Variants in AJAP1 observed in about 807,000 individuals in gnomAD.
AJAP1 encodes the protein adherens junction-associated protein 1.
AJAP1 carries 5 observed loss-of-function variants against 35.0 expected under a neutral mutation model. The ratio of observed to expected loss-of-function variants is 0.14; its 90% CI spans 0.07 to 0.30. The LOEUF (loss-of-function observed/expected upper bound fraction) is 0.30, where lower values mean the gene tolerates loss of function less well. AJAP1 is among the 10% of genes least tolerant of loss of function. The pLI is 1.00. For synonymous variants in AJAP1, 284 were observed against 249.3 expected, an observed-to-expected ratio of 1.14 and a Z score of -1.31; for missense variants, 586 against 571.0, an observed-to-expected ratio of 1.03 and a Z score of -0.27.
At chr1:4,762,777 A>G (rs1641599262) in intron 2 of AJAP1, among the ~76,000 whole-genome samples, 1 of 152,150 alleles carries the variant, frequency 6.6e-6, no homozygotes, top group African/African-American at 2.4e-5. Context: ...ACCTTGGGAA[A>G]ATCCCTTAAC....
chr1:4,769,025 A>G (rs997855431), intron 2 of AJAP1, among the ~76,000 whole-genome samples: 4 of 152,160 alleles, frequency 2.6e-5, no homozygotes, highest in African/African-American at 4.8e-5. Flanking sequence ...GCCATCGTGC[A>G]TGTGGGTGTC....
chr1:4,751,259 C>T (rs1277666112), intron 2 of AJAP1, among the ~76,000 whole-genome samples: 1 of 152,166 alleles, frequency 6.6e-6, no homozygotes, highest in Non-Finnish European at 1.5e-5. Context: ...TCGCTGGACA[C>T]CTTCGTCCAG....
At chr1:4,746,580 G>A (rs183020041) in intron 2 of AJAP1, among the ~76,000 whole-genome samples, 158 of 152,324 alleles carry the variant, frequency 1.0e-3, no homozygotes, top group African/African-American at 3.6e-3. Flanking sequence ...GACCACAACT[G>A]TCCAACAATT....
At chr1:4,712,891 G>A (rs1049293580) in intron 2 of AJAP1, among the ~76,000 whole-genome samples, 192 bp downstream of exon 2, 1 of 152,196 alleles carries the variant, frequency 6.6e-6, no homozygotes, top group Non-Finnish European at 1.5e-5. Flanking sequence ...GGAAGGGGGC[G>A]TGAGAAGGGA....
In AJAP1 at chr1:4,719,426, A is replaced by G. The variant is rs369154557; in HGVS notation, c.829+6727A>G. On this transcript the variant is annotated intron_variant, in intron 2 of 5. Transcript: ENST00000378191. ...ATGGTAGAGGAAATGTCACCAAGCC[A>G]CAGCTTCATCAATCGCCCAATTGTT... is the stretch of plus-strand genomic sequence containing the variant. 1.1e-4 allele frequency among the ~76,000 whole-genome samples: 17 copies of G among 152,360 alleles called. No homozygotes were observed. The East Asian group carries it at 1.3e-3, about 12-fold the overall frequency.
chr1:4,787,587 G>T lies in AJAP1; in HGVS notation c.*5102G>T, dbSNP rs74799152. 2,764 of 427,930 alleles carry T rather than the reference G, an allele frequency of 6.5e-3. 14 individuals are homozygous for T. The highest frequency in any genetic ancestry group is 8.5e-3 in the Non-Finnish European group (1,814 of 214,002). The allele number at this position is 427,930 out of a possible 1,614,324, so 26.5% of individuals were successfully genotyped here. A position where few individuals can be genotyped will look rare whatever the true frequency, so the allele number is the denominator to read the frequency against. Reference sequence around the variant, plus strand: ...CCAAATTCCTCTGTCATTCCAGCAAGAGTGGAAGCAGAGGGGCAGGGGCAG... The same window carrying T: ...CCAAATTCCTCTGTCATTCCAGCAATAGTGGAAGCAGAGGGGCAGGGGCAG... On this transcript the variant is annotated 3_prime_UTR_variant, in exon 6 of 6. Coordinates refer to ENST00000378191, the MANE Select transcript of AJAP1 (RefSeq NM_018836.4).
At position 4,693,278 on chromosome 1, in the gene AJAP1, G is replaced by A. The variant is rs924511210; in HGVS notation, c.30-18622G>A. Among the ~76,000 whole-genome samples the A allele has an allele frequency of 2.6e-5, 4 of 151,578 alleles. No individual in the cohort carries two copies. Among genetic ancestry groups the A allele is most frequent in the East Asian group, 1.9e-4 (1 of 5,142 alleles). ...ACTCAACTGAGGGGAGAAGCAGCCC[G>A]TGGTCAGGGGACGTCAGGGGCATGT... On this transcript the variant is annotated intron_variant, in intron 1 of 5. Transcript: ENST00000378191. The surrounding 1 kb of genome is among the most constrained non-coding windows in gnomAD (Gnocchi z 4.4).
chr1:4,700,616 C>T (rs890708121), intron 1 of AJAP1, among the ~76,000 whole-genome samples: 1 of 152,208 alleles, frequency 6.6e-6, no homozygotes, highest in Non-Finnish European at 1.5e-5. Context: ...TGTCCCTTTG[C>T]TCAGGGGGAG....
At chr1:4,660,104 C>G (rs956037887) in intron 1 of AJAP1, among the ~76,000 whole-genome samples, 1 of 152,270 alleles carries the variant, frequency 6.6e-6, no homozygotes, top group Non-Finnish European at 1.5e-5. Context: ...GTAACACCAC[C>G]ACACCACCAG....
chr1:4,746,183 G>A (rs987902172), intron 2 of AJAP1, among the ~76,000 whole-genome samples: 1 of 152,080 alleles, frequency 6.6e-6, no homozygotes, highest in African/African-American at 2.4e-5. Context: ...GGCATTCCTC[G>A]GACGGTGGCT....
chr1:4,711,748 G>C lies in AJAP1; in HGVS notation c.30-152G>C. ...GAGCCTTTGAAGGAAAGGAAGGAAGGGTTTCGGATTCCCTTTTGAAGTTAG... is the reference window on the plus strand; with the variant it reads ...GAGCCTTTGAAGGAAAGGAAGGAAGCGTTTCGGATTCCCTTTTGAAGTTAG... On this transcript the variant is annotated intron_variant, in intron 1 of 5. Transcript: ENST00000378191. The C allele has an allele frequency of 8.5e-6, 5 of 588,752 alleles. No individual in the cohort carries two copies. In the South Asian group the frequency reaches 1.1e-4, roughly 12 times the overall value. 36.5% of individuals were successfully genotyped at this position (588,752 alleles called of 1,614,324 possible).
chr1:4,742,240 C>G (rs1202762301), intron 2 of AJAP1, among the ~76,000 whole-genome samples: 1 of 152,194 alleles, frequency 6.6e-6, no homozygotes, highest in African/African-American at 2.4e-5. Context: ...AAGTCACCCC[C>G]TCTCCAGTAA....
chr1:4,791,193 G>A lies in AJAP1; in HGVS notation c.*8708G>A, dbSNP rs893915682. The A allele has an allele frequency of 1.1e-4, 17 of 152,158 alleles. No individual in the cohort carries two copies. The highest frequency in any genetic ancestry group is 3.1e-4 in the African/African-American group (13 of 41,438). 9.4% of individuals were successfully genotyped at this position (152,158 alleles called of 1,614,324 possible). ...AGAGGTGAGTGGGACTAAAAGCCAG[G>A]ATCAAGATCAGGTTGCTCCACACAT... On this transcript the variant is annotated 3_prime_UTR_variant, in exon 6 of 6. Coordinates refer to ENST00000378191, the MANE Select transcript of AJAP1 (RefSeq NM_018836.4).
intron 2 of AJAP1, among the ~76,000 whole-genome samples, chr1:4,726,641 A>C (rs1640666521): frequency 6.6e-6 from 1 of 151,970 alleles, no homozygotes; most frequent in African/African-American, 2.4e-5. Flanking sequence ...CACCTGGGGA[A>C]TTGGTTTTAA....
Position 4,723,926 on chromosome 1 carries a change from C to A in AJAP1, c.829+11227C>A. On this transcript the variant is annotated intron_variant, in intron 2 of 5. Transcript: ENST00000378191. The surrounding 1 kb of genome is among the most constrained non-coding windows in gnomAD (Gnocchi z 4.3). ...AAGCCAAGTCCTTAAGGGATGAGAA[C>A]CAGCCTGATGTGTGCTGTTGGCTGA... Among the ~76,000 whole-genome samples, 1 of 152,236 alleles carries A rather than the reference C, an allele frequency of 6.6e-6. No individual in the cohort carries two copies. Among genetic ancestry groups the A allele is most frequent in the Non-Finnish European group, 1.5e-5 (1 of 68,030 alleles).
chr1:4,731,448 C>T (rs1393720841), intron 2 of AJAP1, among the ~76,000 whole-genome samples: 5 of 152,182 alleles, frequency 3.3e-5, no homozygotes, highest in African/African-American at 2.4e-5. Context: ...GTTGTCACTG[C>T]CGGGCAGACC....
chr1:4,775,952 G>A (rs1028565391), intron 5 of AJAP1, among the ~76,000 whole-genome samples: 5 of 152,228 alleles, frequency 3.3e-5, no homozygotes, highest in East Asian at 1.9e-4. Flanking sequence ...AGTGTAGTCC[G>A]CGACCCGCCT....
chr1:4,657,816 CT>C (rs58922730), intron 1 of AJAP1, among the ~76,000 whole-genome samples: 2,367 of 146,948 alleles, frequency 0.016, 64 homozygotes, highest in African/African-American at 0.053. Flanking sequence ...GTATGTGGAG[CT>C]TTTTTTTTTT....
At chr1:4,690,207 C>A (rs12402150) in intron 1 of AJAP1, among the ~76,000 whole-genome samples, 10,448 of 152,234 alleles carry the variant, frequency 0.069, 471 homozygotes, top group East Asian at 0.17. Context: ...CCATCCAGAC[C>A]CTCCAGGAGG....
Sources: allele counts gnomAD v4.1 joint callset (sites outside exome capture counted in the v4.1 genomes callset), GRCh38; gene constraint gnomAD v4.1.1; non-coding constraint Gnocchi (gnomAD v3.1); transcripts MANE v1.5; gene names NCBI Gene and HGNC (gene_info 2026-07-23, HGNC 2026-07-21).